The following PRLR variants were observed in gnomAD, a reference collection of about 807,000 sequenced individuals.
PRLR encodes the protein prolactin receptor.
In PRLR, 13 loss-of-function variants were observed where a neutral mutation model predicts 40.2. That is an observed-to-expected ratio of 0.32 (90% CI 0.21 to 0.51). The LOEUF is 0.51. Ranked by LOEUF, PRLR falls within the 20% of genes least tolerant of loss-of-function variation. The pLI, the probability that PRLR is intolerant of heterozygous loss-of-function variation, is 0.97. For synonymous variants in PRLR, 269 were observed against 278.7 expected, an observed-to-expected ratio of 0.97 and a Z score of 0.35; for missense variants, 656 against 747.3, an observed-to-expected ratio of 0.88 and a Z score of 1.42.
At chr5:35,161,689 T>C (rs914315425) in intron 1 of PRLR, among the ~76,000 whole-genome samples, 3 of 152,224 alleles carry the variant, frequency 2.0e-5, no homozygotes, top group African/African-American at 4.8e-5. Flanking sequence ...CCTTGCTTCA[T>C]CAGGCAAGTT....
chr5:35,143,193 C>T (rs1281290408), intron 1 of PRLR, among the ~76,000 whole-genome samples: 2 of 152,156 alleles, frequency 1.3e-5, no homozygotes, highest in Non-Finnish European at 2.9e-5. Context: ...AGCTTTGTGG[C>T]CCATAGGGTC....
At chr5:35,176,800 C>A (rs1346623571) in intron 1 of PRLR, among the ~76,000 whole-genome samples, 1 of 151,950 alleles carries the variant, frequency 6.6e-6, no homozygotes, top group Non-Finnish European at 1.5e-5. Context: ...CAGCCCGACA[C>A]CCGTAAAGGG....
intron 1 of PRLR, among the ~76,000 whole-genome samples, chr5:35,218,427 T>C (rs532551835): frequency 2.0e-5 from 3 of 152,332 alleles, no homozygotes; most frequent in African/African-American, 7.2e-5. Flanking sequence ...AAACATATAA[T>C]ATAGAAGACA....
chr5:35,075,483 C>A (rs1770020151), intron 5 of PRLR, among the ~76,000 whole-genome samples: 1 of 152,144 alleles, frequency 6.6e-6, no homozygotes, highest in Non-Finnish European at 1.5e-5. Flanking sequence ...GGCAGTGAGG[C>A]TGGGGGAGGG....
At chr5:35,129,786 A>T (rs185528598) in intron 1 of PRLR, among the ~76,000 whole-genome samples, 7 of 151,920 alleles carry the variant, frequency 4.6e-5, no homozygotes, top group African/African-American at 1.7e-4. Context: ...CTTTCCCTAA[A>T]AGTGCCAAGC....
chr5:35,132,302 C>T (rs1773715722), intron 1 of PRLR, among the ~76,000 whole-genome samples: 2 of 152,152 alleles, frequency 1.3e-5, no homozygotes, highest in Admixed American at 1.3e-4. Context: ...ATACCATCAA[C>T]ATCTGCATAC....
At chr5:35,153,640 T>C (rs955943695) in intron 1 of PRLR, among the ~76,000 whole-genome samples, 2 of 150,498 alleles carry the variant, frequency 1.3e-5, no homozygotes, top group African/African-American at 4.9e-5. Context: ...TTTGATTTGC[T>C]CAGGGTAGGT....
chr5:35,153,736 ACACTG>A (rs1774405558), intron 1 of PRLR, among the ~76,000 whole-genome samples: 1 of 151,054 alleles, frequency 6.6e-6, no homozygotes, highest in African/African-American at 2.4e-5. Context: ...ACACACACAC[ACACTG>A]CACACACTAC....
chr5:35,197,705 G>T (rs1035207965), intron 1 of PRLR, among the ~76,000 whole-genome samples: 1 of 152,224 alleles, frequency 6.6e-6, no homozygotes, highest in African/African-American at 2.4e-5. Context: ...CTCAGGCTGT[G>T]GCTGAGACCC....
chr5:35,167,533 A>G (rs948495088), intron 1 of PRLR, among the ~76,000 whole-genome samples: 44 of 152,116 alleles, frequency 2.9e-4, no homozygotes, highest in African/African-American at 1.0e-3. Context: ...GGAGGTGTTC[A>G]TGGAAGTATG....
chr5:35,092,304 C>T (rs1051605913), intron 2 of PRLR, among the ~76,000 whole-genome samples: 5 of 152,168 alleles, frequency 3.3e-5, no homozygotes, highest in Non-Finnish European at 1.5e-5. Flanking sequence ...AGTGGTGTCA[C>T]GGTTGTGTTT....
chr5:35,162,425 T>C (rs907693814), intron 1 of PRLR, among the ~76,000 whole-genome samples: 2 of 152,218 alleles, frequency 1.3e-5, no homozygotes, highest in Admixed American at 6.5e-5. Flanking sequence ...TGTATACTTT[T>C]TATCCATAAT....
chr5:35,053,613 A>T (rs1397551402), downstream of PRLR, among the ~76,000 whole-genome samples: 1 of 152,220 alleles, frequency 6.6e-6, no homozygotes, highest in Non-Finnish European at 1.5e-5. Flanking sequence ...GTACCTAGGG[A>T]TGAATCTAAT....
chr5:35,145,275 AAAG>A (rs148207646), intron 1 of PRLR, among the ~76,000 whole-genome samples: 5,407 of 152,270 alleles, frequency 0.036, 103 homozygotes, highest in Non-Finnish European at 0.045. Flanking sequence ...TGATTTAATA[AAAG>A]AAGAACAAAA....
intron 1 of PRLR, among the ~76,000 whole-genome samples, chr5:35,192,030 G>T (rs1158670738): frequency 6.6e-6 from 1 of 152,192 alleles, no homozygotes; most frequent in Non-Finnish European, 1.5e-5. Flanking sequence ...GCCCTCTCAT[G>T]CAGGCCGTGG....
At chr5:35,076,573 T>G (rs1473655527) in intron 5 of PRLR, among the ~76,000 whole-genome samples, 1 of 152,204 alleles carries the variant, frequency 6.6e-6, no homozygotes, top group Non-Finnish European at 1.5e-5. Flanking sequence ...ATCTGATTGG[T>G]GTACCTGAAA....
At chr5:35,199,565 C>G (rs1276522915) in intron 1 of PRLR, among the ~76,000 whole-genome samples, 3 of 114,738 alleles carry the variant, frequency 2.6e-5, no homozygotes, top group African/African-American at 9.8e-5. Flanking sequence ...ACACGTCATT[C>G]TTCAAAAATT....
intron 1 of PRLR, among the ~76,000 whole-genome samples, chr5:35,148,434 T>A (rs1382337005): frequency 6.6e-6 from 1 of 152,156 alleles, no homozygotes; most frequent in Non-Finnish European, 1.5e-5. Flanking sequence ...GGTAGATAGC[T>A]ACTGTTTTCT....
chr5:35,113,412 T>TCCAC (rs1772805993), intron 2 of PRLR, among the ~76,000 whole-genome samples: 2 of 142,388 alleles, frequency 1.4e-5, no homozygotes, highest in African/African-American at 5.3e-5. Flanking sequence ...CATCCATCCA[T>TCCAC]CCATCCATCC....
Sources: allele counts gnomAD v4.1 joint callset (sites outside exome capture counted in the v4.1 genomes callset), GRCh38; gene constraint gnomAD v4.1.1; transcripts MANE v1.5; gene names NCBI Gene and HGNC (gene_info 2026-07-23, HGNC 2026-07-21).